PSMD14: variants seen among roughly 807,000 people sequenced by gnomAD.
PSMD14 encodes the protein proteasome 26S subunit, non-ATPase 14, also known as ubiquitin C-terminal hydrolase PSMD14.
In PSMD14, 7 loss-of-function variants were observed where a neutral mutation model predicts 41.2. The observed-to-expected ratio is 0.17, with a 90% CI of 0.10 to 0.32. PSMD14 has a LOEUF of 0.32. Ranked by LOEUF, PSMD14 falls within the 10% of genes least tolerant of loss-of-function variation. The pLI is 1.00. For missense variants in PSMD14, 139 were observed against 375.6 expected (o/e 0.37, Z 5.21); for synonymous variants, 114 against 122.3 (o/e 0.93, Z 0.45).
Position 161,340,701 on chromosome 2 carries a change from A to G in PSMD14, c.48+21828A>G, listed in dbSNP as rs1339434476. 1.2e-5 allele frequency: 19 copies of G among 1,547,890 alleles called. No individual in the cohort carries two copies. In the African/African-American group the frequency reaches 2.6e-4, roughly 21 times the overall value. On this transcript the variant is annotated intron_variant, in intron 3 of 11. Transcript: ENST00000409682. ...TAGAGCTCAGCAGATTTATGGAGGC[A>G]GCATGCACCCTGGGCGCCTGCCCAG...
chr2:161,344,114 CG>C (rs199820892), intron 3 of PSMD14, among the ~76,000 whole-genome samples: 2 of 107,222 alleles, frequency 1.9e-5, no homozygotes, highest in Non-Finnish European at 3.8e-5. Flanking sequence ...AGACTTGGTG[CG>C]GGGGGGTGGG....
Position 161,318,813 on chromosome 2 carries a change from G to C in PSMD14, c.-4-9G>C, listed in dbSNP as rs545063308. ...TTAGGAACGTTTTTTCTTTGTTTCT[G>C]TTTTCTAGAAATATGGACAGACTTC... On this transcript the variant is annotated splice_polypyrimidine_tract_variant and intron_variant, in intron 2 of 11. Coordinates refer to ENST00000409682, the MANE Select transcript of PSMD14 (RefSeq NM_005805.6). 3 of 1,611,754 alleles carry C rather than the reference G, an allele frequency of 1.9e-6. No individual in the cohort carries two copies. The highest frequency in any genetic ancestry group is 2.5e-6 in the Non-Finnish European group (3 of 1,178,576).
intron 1 of PSMD14, among the ~76,000 whole-genome samples, chr2:161,310,074 C>G (rs1408707922): frequency 6.6e-6 from 1 of 152,048 alleles, no homozygotes; most frequent in Admixed American, 6.6e-5. Flanking sequence ...GAGGTGGAAC[C>G]TGGGAGGTGG....
chr2:161,359,898 T>G (rs1683265360), intron 3 of PSMD14, among the ~76,000 whole-genome samples: 2 of 152,218 alleles, frequency 1.3e-5, no homozygotes, highest in Non-Finnish European at 2.9e-5. Flanking sequence ...TTGTGATATA[T>G]GTCGATGTAG....
At chr2:161,380,998 G>C (rs1683564102) in intron 7 of PSMD14, among the ~76,000 whole-genome samples, 1 of 151,842 alleles carries the variant, frequency 6.6e-6, no homozygotes, top group Non-Finnish European at 1.5e-5. Flanking sequence ...GTTAAGTGTT[G>C]CCTTTCTTTC....
At chr2:161,319,503 A>C (rs1689180875) in intron 3 of PSMD14, among the ~76,000 whole-genome samples, 1 of 152,088 alleles carries the variant, frequency 6.6e-6, no homozygotes, top group Admixed American at 6.6e-5. Flanking sequence ...TCAGATCAAG[A>C]ATTTGTGCCT....
intron 7 of PSMD14, among the ~76,000 whole-genome samples, chr2:161,372,841 A>C (rs1683455642): frequency 6.6e-6 from 1 of 151,896 alleles, no homozygotes; most frequent in Admixed American, 6.6e-5. Context: ...CCCCTACCAC[A>C]ATATTTACAA....
intron 7 of PSMD14, among the ~76,000 whole-genome samples, chr2:161,379,508 A>G (rs1005516553): frequency 9.2e-5 from 14 of 151,974 alleles, no homozygotes; most frequent in East Asian, 1.9e-4. Context: ...CTAATTTCCT[A>G]TTTTTTATGT....
chr2:161,363,885 A>G (rs954201540), intron 3 of PSMD14, among the ~76,000 whole-genome samples: 1 of 152,136 alleles, frequency 6.6e-6, no homozygotes, highest in East Asian at 1.9e-4. Flanking sequence ...GGTGTGTGTT[A>G]TAGGGTGCTC....
rs1162637393 is a variant in PSMD14, at chr2:161,389,889, GTTTTTTT to G, written c.571-1198_571-1192del. 4.0e-4 allele frequency among the ~76,000 whole-genome samples: 8 copies of G among 20,050 alleles called. No homozygotes were observed. In the South Asian group the frequency reaches 0.013, roughly 33 times the overall value. 13.2% of individuals were successfully genotyped at this position (20,050 alleles called of 152,430 possible). A position where few individuals can be genotyped will look rare whatever the true frequency, so the allele number is the denominator to read the frequency against. On this transcript the variant is annotated intron_variant, in intron 8 of 11. Transcript: ENST00000409682. Reference sequence around the variant, plus strand: ...TGTCTTATTTTCTTTCTTTTTTGTTGTTTTTTTTTTTTTTTTTTTTTTTAGAGATGGG... The same window carrying G: ...TGTCTTATTTTCTTTCTTTTTTGTTGTTTTTTTTTTTTTTTTAGAGATGGG...
intron 3 of PSMD14, chr2:161,340,668 T>A (rs1168923287): frequency 3.4e-6 from 5 of 1,478,198 alleles, no homozygotes; most frequent in Non-Finnish European, 4.5e-6. Context: ...AAGTCCTGAT[T>A]GAGGGTCTAG....
chr2:161,326,875 A>G (rs1453385656), intron 3 of PSMD14, among the ~76,000 whole-genome samples: 1 of 152,208 alleles, frequency 6.6e-6, no homozygotes, highest in Non-Finnish European at 1.5e-5. Flanking sequence ...TGTAAATGCT[A>G]TGTAAATATA....
At chr2:161,409,229 G>T (rs1363408649) in intron 11 of PSMD14, among the ~76,000 whole-genome samples, 2 of 152,004 alleles carry the variant, frequency 1.3e-5, no homozygotes, top group Non-Finnish European at 1.5e-5. Flanking sequence ...TATTTCATGT[G>T]TAACAAGTTT....
rs916614564 is a variant in PSMD14, at chr2:161,410,808, T to C, written c.835-494T>C. On this transcript the variant is annotated intron_variant, in intron 11 of 11. Transcript: ENST00000409682. ...CATTTAAAGCACTACTCTTGAAATA[T>C]TAAAATTGTACAGAATTCTGATTTT... is the stretch of plus-strand genomic sequence containing the variant. 1.7e-4 allele frequency among the ~76,000 whole-genome samples: 26 copies of C among 152,236 alleles called. 1 individual carries two copies. In the Middle Eastern group the frequency reaches 0.031, roughly 179 times the overall value.
chr2:161,340,840 C>T, intron 3 of PSMD14: 3 of 1,613,972 alleles, frequency 1.9e-6, no homozygotes, highest in Non-Finnish European at 2.5e-6. Flanking sequence ...TGCTCCTCCT[C>T]CAGCTCCTCT....
At chr2:161,395,406 T>C (rs1574141079) in intron 10 of PSMD14, among the ~76,000 whole-genome samples, 1 of 152,226 alleles carries the variant, frequency 6.6e-6, no homozygotes, top group African/African-American at 2.4e-5. Context: ...TGTAAAAGAA[T>C]GAATGTGTTT....
rs866715162 is a variant in PSMD14 at position 161,399,398 on chromosome 2, G to A, written c.771+4195G>A. ...TTTACCTATAACACAGAGTGAGCTA[G>A]TATCCAAAAATGCATAATATTCAGA... On this transcript the variant is annotated intron_variant, in intron 10 of 11. Transcript: ENST00000409682. 2.6e-5 allele frequency among the ~76,000 whole-genome samples: 4 copies of A among 152,058 alleles called. No homozygotes were observed. In the South Asian group the frequency reaches 8.3e-4, roughly 31 times the overall value.
chr2:161,366,303 G>A (rs1314566823), intron 3 of PSMD14, among the ~76,000 whole-genome samples: 1 of 151,880 alleles, frequency 6.6e-6, no homozygotes, highest in African/African-American at 2.4e-5. Context: ...ATTTTATTTA[G>A]AGAAAACTTA....
intron 3 of PSMD14, among the ~76,000 whole-genome samples, chr2:161,326,826 A>G (rs956872398): frequency 3.9e-5 from 6 of 152,264 alleles, no homozygotes; most frequent in African/African-American, 1.2e-4. Context: ...TCTCGCATAC[A>G]TTAAACCATC....
Sources: allele counts gnomAD v4.1 joint callset (sites outside exome capture counted in the v4.1 genomes callset), GRCh38; gene constraint gnomAD v4.1.1; transcripts MANE v1.5; gene names NCBI Gene and HGNC (gene_info 2026-07-23, HGNC 2026-07-21).